GLB1: variants seen among roughly 807,000 people sequenced by gnomAD.
The protein encoded by GLB1 is galactosidase beta 1.
Under a neutral mutation model 74.0 loss-of-function variants are expected in GLB1, and 56 were observed. The observed-to-expected ratio is 0.76, with a 90% CI of 0.61 to 0.94. The LOEUF is 0.94. Ranked by LOEUF, GLB1 falls within the 40% of genes least tolerant of loss-of-function variation. GLB1 has a pLI of 0.00. For missense variants in GLB1, 787 were observed against 845.5 expected (o/e 0.93, Z 0.86); for synonymous variants, 323 against 323.6 (o/e 1.00, Z 0.02).
At chr3:33,065,940 C>T (rs1699658061) in intron 4 of GLB1, among the ~76,000 whole-genome samples, 1 of 142,778 alleles carries the variant, frequency 7.0e-6, no homozygotes, top group South Asian at 2.2e-4. Context: ...TGCACTCCAG[C>T]CTGGGCAACA....
intron 1 of GLB1, among the ~76,000 whole-genome samples, chr3:33,080,190 G>A (rs1007947862): frequency 6.6e-6 from 1 of 151,676 alleles, no homozygotes; most frequent in Non-Finnish European, 1.5e-5. Flanking sequence ...TGCAACCTCC[G>A]CCTCCCCAGT....
intron 15 of GLB1, among the ~76,000 whole-genome samples, chr3:33,004,444 A>C (rs1290518890): frequency 6.6e-6 from 1 of 152,250 alleles, no homozygotes; most frequent in East Asian, 1.9e-4. Context: ...ACACATCTCC[A>C]TGGTCAGAAG....
the GLB1 span, among the ~76,000 whole-genome samples, chr3:32,978,787 GAGTC>G: frequency 8.3e-6 from 1 of 121,138 alleles, no homozygotes; most frequent in East Asian, 3.5e-4. Flanking sequence ...TTTTGAGACA[GAGTC>G]TCTCTGTCAC....
chr3:32,979,013 G>C, the GLB1 span, among the ~76,000 whole-genome samples: 306 of 140,156 alleles, frequency 2.2e-3, no homozygotes, highest in African/African-American at 7.8e-3. Flanking sequence ...TTTCGCTCTT[G>C]AAGCCCAGGC....
At chr3:33,030,070 G>A (rs1697943647) in intron 10 of GLB1, 1 of 152,134 alleles carries the variant, frequency 6.6e-6, no homozygotes, top group African/African-American at 2.4e-5. Flanking sequence ...CTGCAGATAA[G>A]GTAACTGAGG....
intron 1 of GLB1, among the ~76,000 whole-genome samples, chr3:33,079,418 T>A (rs541584898): frequency 6.6e-6 from 1 of 152,358 alleles, no homozygotes; most frequent in Non-Finnish European, 1.5e-5. Context: ...AAGTATTTAT[T>A]TTAGCAAGAG....
intron 1 of GLB1, 119 bp downstream of exon 1, chr3:33,096,892 G>A: frequency 4.0e-6 from 6 of 1,487,726 alleles, no homozygotes; most frequent in Non-Finnish European, 5.4e-6. Flanking sequence ...CTGCTGGGGG[G>A]CACTTCGGGG....
At chr3:33,011,425 T>A (rs1358467212) in intron 15 of GLB1, among the ~76,000 whole-genome samples, 1 of 149,540 alleles carries the variant, frequency 6.7e-6, no homozygotes, top group Non-Finnish European at 1.5e-5. Flanking sequence ...GCCAACATGA[T>A]GAAACCCCGT....
At chr3:33,058,565 A>G (rs529354157) in intron 5 of GLB1, among the ~76,000 whole-genome samples, 1 of 152,330 alleles carries the variant, frequency 6.6e-6, no homozygotes, top group Admixed American at 6.5e-5. Context: ...GAAAGTAGAT[A>G]CTTTAAACAT....
At chr3:32,979,868 A>ATAG in the GLB1 span, among the ~76,000 whole-genome samples, 1 of 128,242 alleles carries the variant, frequency 7.8e-6, no homozygotes, top group African/African-American at 3.0e-5. Context: ...AAAAAAAAAA[A>ATAG]AAAAAAAAAA....
the GLB1 span, among the ~76,000 whole-genome samples, chr3:32,982,844 C>A: frequency 2.0e-5 from 3 of 152,104 alleles, no homozygotes; most frequent in Admixed American, 2.0e-4. Flanking sequence ...CTTTATTTTG[C>A]CAACATTCTT....
intron 12 of GLB1, chr3:33,021,260 A>G: frequency 4.7e-6 from 2 of 421,338 alleles, no homozygotes; most frequent in Non-Finnish European, 8.8e-6. Context: ...ACTGATGCCT[A>G]GTAATAAAGA....
chr3:33,090,223 T>G (rs1015173286), intron 1 of GLB1, among the ~76,000 whole-genome samples: 2 of 152,218 alleles, frequency 1.3e-5, no homozygotes, highest in Middle Eastern at 3.2e-3. Flanking sequence ...GAAGTAATTT[T>G]GGGGTAACAT....
rs2125523009 is a variant in GLB1 at position 33,051,885 on chromosome 3, G to A, written c.912C>T (p.Asn304=). 1.2e-6 allele frequency: 2 copies of A among 1,614,218 alleles called. No individual in the cohort carries two copies. Among genetic ancestry groups the A allele is most frequent in the African/African-American group, 1.3e-5 (1 of 75,050 alleles). ...YDILARGASV[N]LYMFIGGTNF... is the part of the protein sequence containing the mutation. ...CCCCTCAGGCAATGAACACTCACAA[G>A]TTCACACTCGCCCCACGGGCAAGTA... The change falls in exon 8 of 16, where the codon AAC becomes AAT. Residue 304 remains asparagine, a splice_region_variant and synonymous_variant. Transcript: ENST00000307363.
the GLB1 span, among the ~76,000 whole-genome samples, chr3:32,969,940 C>T: frequency 6.6e-6 from 1 of 152,236 alleles, no homozygotes; most frequent in Admixed American, 6.5e-5. Context: ...TGAAAAACTG[C>T]TTATGGACTT....
chr3:33,087,307 C>T (rs1020946667), intron 1 of GLB1, among the ~76,000 whole-genome samples: 6 of 152,090 alleles, frequency 3.9e-5, no homozygotes, highest in African/African-American at 1.2e-4. Context: ...CGGTGGCTCC[C>T]GCCTGTAATC....
intron 5 of GLB1, among the ~76,000 whole-genome samples, chr3:33,063,430 AGAGGAG>A (rs71684556): frequency 6.6e-6 from 1 of 151,722 alleles, no homozygotes; most frequent in Admixed American, 6.6e-5. Flanking sequence ...TGGGAAGGGG[AGAGGAG>A]GAGGAGGAGG....
intron 2 of GLB1, among the ~76,000 whole-genome samples, chr3:33,070,920 G>T (rs1051129384): frequency 1.3e-5 from 2 of 152,122 alleles, no homozygotes; most frequent in Non-Finnish European, 2.9e-5. Context: ...AGAATATTTT[G>T]CTGAAAAGTA....
intron 15 of GLB1, among the ~76,000 whole-genome samples, chr3:32,998,147 G>A (rs1056552235): frequency 6.6e-6 from 1 of 152,186 alleles, no homozygotes; most frequent in Non-Finnish European, 1.5e-5. Flanking sequence ...GAAAGTGGAG[G>A]ATAAACTCCT....
Sources: gnomAD v4.1 joint callset for allele counts (sites outside exome capture counted in the v4.1 genomes callset) on GRCh38, gnomAD v4.1.1 for gene constraint, MANE v1.5 for transcripts, NCBI Gene and HGNC (gene_info 2026-07-23, HGNC 2026-07-21) for gene names.